SMARCC1: variants seen among roughly 807,000 people sequenced by gnomAD.
The protein encoded by SMARCC1 is SWI/SNF related BAF chromatin remodeling complex subunit C1.
A neutral mutation model predicts 147.4 loss-of-function variants in SMARCC1; 43 were observed. The observed-to-expected ratio is 0.29, with a 90% CI of 0.23 to 0.38. SMARCC1 has a LOEUF of 0.38. Ranked by LOEUF, SMARCC1 falls within the 10% of genes least tolerant of loss-of-function variation. The pLI is 1.00. For missense variants in SMARCC1, 1,119 were observed against 1,381.1 expected (o/e 0.81, Z 3.01); for synonymous variants, 495 against 484.4 (o/e 1.02, Z -0.29).
intron 26 of SMARCC1, among the ~76,000 whole-genome samples, chr3:47,602,924 AG>A (rs1184810524): frequency 1.3e-5 from 2 of 151,272 alleles, no homozygotes; most frequent in African/African-American, 4.9e-5. Flanking sequence ...CCAAGGCGAG[AG>A]GATCGCGTGA....
At chr3:47,747,515 T>C (rs756994562) in intron 2 of SMARCC1, among the ~76,000 whole-genome samples, 5 of 94,476 alleles carry the variant, frequency 5.3e-5, no homozygotes, top group Non-Finnish European at 1.0e-4. Context: ...CACACGCCTG[T>C]AGTCCCACCT....
intron 6 of SMARCC1, among the ~76,000 whole-genome samples, chr3:47,723,615 C>T (rs2034262709): frequency 6.6e-6 from 1 of 152,014 alleles, no homozygotes; most frequent in African/African-American, 2.4e-5. Context: ...TAGTTTGAGA[C>T]CAGCCTGGCC....
chr3:47,656,918 T>TCAACAA (rs529787207), intron 21 of SMARCC1, among the ~76,000 whole-genome samples: 7 of 151,618 alleles, frequency 4.6e-5, no homozygotes, highest in Non-Finnish European at 7.4e-5. Context: ...AGACTCCATC[T>TCAACAA]CAACAACAAC....
At chr3:47,651,870 T>C (rs1202044068) in intron 21 of SMARCC1, among the ~76,000 whole-genome samples, 1 of 152,212 alleles carries the variant, frequency 6.6e-6, no homozygotes, top group Admixed American at 6.5e-5. Flanking sequence ...CACAAAGAAA[T>C]GATGTGATAA....
chr3:47,731,613 T>G (rs1347649596), intron 5 of SMARCC1, among the ~76,000 whole-genome samples: 3 of 152,358 alleles, frequency 2.0e-5, no homozygotes, highest in East Asian at 3.9e-4. Context: ...AAATACTCCT[T>G]AAAACATGGC....
intron 26 of SMARCC1, 59 bp from the exon 27 acceptor site, chr3:47,590,896 C>A: frequency 1.4e-6 from 2 of 1,400,352 alleles, no homozygotes; most frequent in Admixed American, 2.2e-5. Flanking sequence ...AGAAAGGGAT[C>A]AACTTAAATC....
chr3:47,739,337 T>C (rs914328850), intron 3 of SMARCC1, among the ~76,000 whole-genome samples: 3 of 152,162 alleles, frequency 2.0e-5, no homozygotes, highest in African/African-American at 7.2e-5. Context: ...TTTTTGTTTT[T>C]TGAGGCAGAG....
At chr3:47,635,958 C>T (rs1044356591) in intron 23 of SMARCC1, 64 bp downstream of exon 23, 5 of 786,098 alleles carry the variant, frequency 6.4e-6, no homozygotes, top group Non-Finnish European at 1.1e-5. Context: ...TATAAACCAC[C>T]TTCATTTCTC....
intron 10 of SMARCC1, 84 bp from the exon 11 acceptor site, chr3:47,701,486 T>C: frequency 8.0e-7 from 1 of 1,245,726 alleles, no homozygotes; most frequent in Non-Finnish European, 1.2e-6. Flanking sequence ...TACACCTTCA[T>C]TATTTGTAGA....
At chr3:47,700,139 T>A (rs2033899129) in intron 11 of SMARCC1, among the ~76,000 whole-genome samples, 1 of 152,062 alleles carries the variant, frequency 6.6e-6, no homozygotes, top group Admixed American at 6.5e-5. Context: ...CAGAAAAGGT[T>A]CTAATTCCTC....
intron 2 of SMARCC1, among the ~76,000 whole-genome samples, chr3:47,758,425 T>C (rs1254455410): frequency 6.6e-6 from 1 of 150,504 alleles, no homozygotes; most frequent in East Asian, 1.9e-4. Context: ...AGTATATGCC[T>C]AGGCTAAGAC....
intron 2 of SMARCC1, among the ~76,000 whole-genome samples, chr3:47,747,440 A>AAATATAAATATAAATATAAATAT (rs2034576526): frequency 1.7e-5 from 2 of 120,832 alleles, no homozygotes; most frequent in Admixed American, 9.5e-5. Flanking sequence ...TTGTCTCAAA[A>AAATATAAATATAAATATAAATAT]AAATATAAAT....
At chr3:47,684,252 A>AG (rs2033692501) in intron 14 of SMARCC1, among the ~76,000 whole-genome samples, 1 of 151,712 alleles carries the variant, frequency 6.6e-6, no homozygotes, top group Non-Finnish European at 1.5e-5. Context: ...AAAAAAAAAA[A>AG]AAAAAAAGAC....
intron 21 of SMARCC1, among the ~76,000 whole-genome samples, chr3:47,651,805 T>C (rs1299571709): frequency 1.3e-5 from 2 of 152,166 alleles, no homozygotes; most frequent in Non-Finnish European, 2.9e-5. Flanking sequence ...AAATATAAAA[T>C]ATAAAGGGGA....
chr3:47,594,302 G>A (rs2032232527), intron 26 of SMARCC1, among the ~76,000 whole-genome samples: 2 of 152,224 alleles, frequency 1.3e-5, no homozygotes, highest in Admixed American at 6.5e-5. Context: ...ACTCTATAAT[G>A]TAACGCAAAG....
intron 10 of SMARCC1, among the ~76,000 whole-genome samples, chr3:47,703,963 A>AT (rs891766104): frequency 1.5e-4 from 22 of 151,614 alleles, no homozygotes; most frequent in African/African-American, 5.1e-4. Flanking sequence ...CACCCGGCTA[A>AT]TTTTTTTTGT....
intron 6 of SMARCC1, among the ~76,000 whole-genome samples, chr3:47,728,677 T>C: frequency 6.6e-6 from 1 of 152,068 alleles, no homozygotes. Context: ...GAGGCCAAGG[T>C]GGGCAGATCA....
intron 14 of SMARCC1, 109 bp from the exon 15 acceptor site, chr3:47,680,617 G>A (rs565333513): frequency 1.8e-5 from 10 of 556,780 alleles, no homozygotes; most frequent in Middle Eastern, 6.0e-4. Flanking sequence ...GCGGGATCTC[G>A]GCTCACTGCA....
chr3:47,703,858 G>A (rs1331565323), intron 10 of SMARCC1, among the ~76,000 whole-genome samples: 4 of 152,238 alleles, frequency 2.6e-5, no homozygotes, highest in Admixed American at 6.5e-5. Context: ...GTGCAGTGGC[G>A]CGATCTCAGC....
Sources: allele counts gnomAD v4.1 joint callset (sites outside exome capture counted in the v4.1 genomes callset), GRCh38; gene constraint gnomAD v4.1.1; transcripts MANE v1.5; gene names NCBI Gene and HGNC (gene_info 2026-07-23, HGNC 2026-07-21).